CCDC102B: variants seen among roughly 807,000 people sequenced by gnomAD.
CCDC102B encodes the protein coiled-coil domain containing 102B, also known as coiled-coil domain-containing protein 102B.
In CCDC102B, 75 loss-of-function variants were observed where a neutral mutation model predicts 57.4. The observed-to-expected ratio is 1.31, with a 90% CI of 1.08 to 1.58. The LOEUF (loss-of-function observed/expected upper bound fraction) is 1.58. Ranked by LOEUF, CCDC102B falls within the 40% of genes most tolerant of loss-of-function variation. The pLI is 0.00. For missense variants in CCDC102B, 636 were observed against 582.6 expected, an observed-to-expected ratio of 1.09 and a Z score of -0.94; for synonymous variants, 206 against 201.9, an observed-to-expected ratio of 1.02 and a Z score of -0.17.
intron 2 of CCDC102B, among the ~76,000 whole-genome samples, chr18:68,776,745 T>A (rs1166276333): frequency 6.6e-6 from 1 of 151,644 alleles, no homozygotes; most frequent in African/African-American, 2.4e-5. Flanking sequence ...AAATAATCTG[T>A]ACAAAAAAAA....
intron 6 of CCDC102B, among the ~76,000 whole-genome samples, chr18:68,994,919 G>A (rs1157706848): frequency 6.6e-6 from 1 of 152,196 alleles, no homozygotes; most frequent in African/African-American, 2.4e-5. Flanking sequence ...AGCAGAAGTT[G>A]GAACAGTTTG....
chr18:69,052,110 G>A (rs1051549600), intron 7 of CCDC102B, among the ~76,000 whole-genome samples: 3 of 151,540 alleles, frequency 2.0e-5, no homozygotes. Flanking sequence ...ACCAACAAAG[G>A]AATAGTATGA....
intron 6 of CCDC102B, among the ~76,000 whole-genome samples, chr18:68,923,882 GT>G (rs2041377793): frequency 6.6e-6 from 1 of 152,022 alleles, no homozygotes; most frequent in South Asian, 2.1e-4. Context: ...ATGGGAAATG[GT>G]TTTAAATTAC....
chr18:69,006,459 T>C (rs1412485405), intron 6 of CCDC102B, among the ~76,000 whole-genome samples: 2 of 151,842 alleles, frequency 1.3e-5, no homozygotes, highest in African/African-American at 2.4e-5. Context: ...AGTCTTGCTC[T>C]GTTGCCTTGC....
Position 68,786,838 on chromosome 18 carries a change from G to A in CCDC102B, c.-66-36528G>A, listed in dbSNP as rs1162064540. 2.0e-5 allele frequency among the ~76,000 whole-genome samples: 3 copies of A among 151,762 alleles called. No individual in the cohort carries two copies. In the South Asian group the frequency reaches 6.2e-4, roughly 32 times the overall value. On this transcript the variant is annotated intron_variant, in intron 2 of 3. Coordinates refer to the CCDC102B transcript ENST00000578970. ...CTTTATTTCCTTCTCCTGCCTAATT[G>A]CCCTGGCCAGAACTTCCAACATTAT...
intron 2 of CCDC102B, among the ~76,000 whole-genome samples, chr18:68,723,969 G>A (rs562315489): frequency 2.8e-4 from 43 of 152,290 alleles, no homozygotes; most frequent in South Asian, 1.7e-3. Flanking sequence ...ACAAACTTCT[G>A]CCTGGACATC....
intron 6 of CCDC102B, among the ~76,000 whole-genome samples, chr18:69,006,882 T>A (rs1041541417): frequency 1.3e-5 from 2 of 152,240 alleles, no homozygotes; most frequent in Non-Finnish European, 2.9e-5. Flanking sequence ...ACGCCAGCTC[T>A]GTGATACTGT....
chr18:68,931,008 G>A (rs537467233), intron 6 of CCDC102B, among the ~76,000 whole-genome samples: 1 of 151,578 alleles, frequency 6.6e-6, no homozygotes, highest in Admixed American at 6.6e-5. Context: ...TATTTTTACA[G>A]CATGTCTCAT....
At chr18:68,994,532 G>T (rs147170335) in intron 6 of CCDC102B, among the ~76,000 whole-genome samples, 2 of 135,204 alleles carry the variant, frequency 1.5e-5, no homozygotes, top group Non-Finnish European at 3.1e-5. Flanking sequence ...CTCCTCCCCC[G>T]TGTAAAGGGA....
intron 1 of CCDC102B, among the ~76,000 whole-genome samples, chr18:68,823,937 G>A (rs150216367): frequency 8.0e-4 from 121 of 151,660 alleles, no homozygotes; most frequent in African/African-American, 2.7e-3. Context: ...AGTTCCTTAA[G>A]CATTCTAGAT....
intron 6 of CCDC102B, among the ~76,000 whole-genome samples, chr18:68,928,578 G>A (rs1196939681): frequency 6.6e-6 from 1 of 151,796 alleles, no homozygotes; most frequent in African/African-American, 2.4e-5. Context: ...AGGAGTTGAT[G>A]GTGAGCTTGG....
rs184010031 is a variant in CCDC102B at position 68,933,952 on chromosome 18, A to T, written c.1263+36524A>T. Among the ~76,000 whole-genome samples, 538 of 152,048 alleles carry T rather than the reference A, an allele frequency of 3.5e-3. 2 individuals carry two copies. Among genetic ancestry groups the T allele is most frequent in the Non-Finnish European group, 6.4e-3 (433 of 67,892 alleles). ...AGGCCGGGAGAGGTATTTATGCATT[A>T]TAATAACAAAAATTAGGCTTCCTTT... On this transcript the variant is annotated intron_variant, in intron 6 of 7. Transcript: ENST00000360242.
intron 6 of CCDC102B, among the ~76,000 whole-genome samples, chr18:68,991,399 T>C (rs1224543811): frequency 3.9e-5 from 6 of 152,208 alleles, no homozygotes. Flanking sequence ...ACTTGTGCAA[T>C]TACAGGGCAC....
chr18:69,013,202 G>A (rs970772655), intron 7 of CCDC102B, among the ~76,000 whole-genome samples: 2 of 151,856 alleles, frequency 1.3e-5, no homozygotes, highest in South Asian at 2.1e-4. Flanking sequence ...CTACAAACAC[G>A]AATGAAATCA....
At chr18:68,979,209 G>A (rs2050513568) in intron 6 of CCDC102B, among the ~76,000 whole-genome samples, 1 of 152,018 alleles carries the variant, frequency 6.6e-6, no homozygotes, top group Admixed American at 6.6e-5. Context: ...ACTTTAAATA[G>A]CTTAGAAGTT....
At chr18:69,022,110 G>A (rs1291711960) in intron 7 of CCDC102B, among the ~76,000 whole-genome samples, 1 of 151,754 alleles carries the variant, frequency 6.6e-6, no homozygotes, top group Non-Finnish European at 1.5e-5. Flanking sequence ...GGGTTATATG[G>A]AAAGACTTAG....
At chr18:68,949,265 A>G (rs139078047) in intron 6 of CCDC102B, among the ~76,000 whole-genome samples, 3 of 152,232 alleles carry the variant, frequency 2.0e-5, no homozygotes, top group East Asian at 1.9e-4. Context: ...AATCAAGTTG[A>G]CACTCAATAT....
At chr18:68,798,599 C>T (rs749525271) in intron 1 of CCDC102B, 1 of 152,058 alleles carries the variant, frequency 6.6e-6, no homozygotes, top group Non-Finnish European at 1.5e-5. Context: ...TTATGGAAAT[C>T]CTCCTATCTA....
intron 6 of CCDC102B, among the ~76,000 whole-genome samples, chr18:68,935,257 G>A (rs1001569159): frequency 1.3e-5 from 2 of 152,004 alleles, no homozygotes; most frequent in African/African-American, 4.8e-5. Context: ...AAGAAACACA[G>A]TGGCAGAAGA....
Sources: allele counts gnomAD v4.1 joint callset (sites outside exome capture counted in the v4.1 genomes callset), GRCh38; gene constraint gnomAD v4.1.1; transcripts MANE v1.5; gene names NCBI Gene and HGNC (gene_info 2026-07-23, HGNC 2026-07-21).